Variants in SNX29 observed in about 807,000 individuals in gnomAD.
SNX29 encodes sorting nexin 29, also known as sorting nexin-29.
A neutral mutation model predicts 102.1 loss-of-function variants in SNX29; 78 were observed. The ratio of observed to expected loss-of-function variants is 0.76; its 90% confidence interval spans 0.64 to 0.92. The LOEUF (loss-of-function observed/expected upper bound fraction) is 0.92, where lower values mean the gene tolerates loss of function less well. SNX29 is among the 40% of genes least tolerant of loss of function. The pLI is 0.00. For synonymous variants in SNX29, 580 were observed against 414.5 expected (o/e 1.40, Z -4.85); for missense variants, 1,280 against 1,061.7 (o/e 1.21, Z -2.86).
Position 12,572,926 on chromosome 16 carries a change from C to T in SNX29, c.*4297C>T, listed in dbSNP as rs1239384051. 10 of 937,088 alleles carry T rather than the reference C, an allele frequency of 1.1e-5. No homozygotes were observed. Among genetic ancestry groups the T allele is most frequent in the African/African-American group, 1.7e-5 (1 of 58,132 alleles). The allele number at this position is 937,088 out of a possible 1,614,324, so 58.0% of individuals were successfully genotyped here. ...GAATCACGGCAGACTTGGAGTGTTT[C>T]TTCAAGGCAGGCATCTGCTTATGAG... On this transcript the variant is annotated 3_prime_UTR_variant, in exon 21 of 21. Transcript: ENST00000566228.
At chr16:12,388,003 A>G (rs2083394177) in intron 16 of SNX29, among the ~76,000 whole-genome samples, 1 of 152,192 alleles carries the variant, frequency 6.6e-6, no homozygotes, top group Non-Finnish European at 1.5e-5. Flanking sequence ...TGTGCTTATA[A>G]TGTTAAAAAT....
In SNX29 at chr16:12,560,836, G is replaced by A. The variant is rs149007160; in HGVS notation, c.2319-7670G>A. ...TTACAGCACCCATTTCACATGGCCG[G>A]CTTAAGGATGTTATGAGAATTGGTG... On this transcript the variant is annotated intron_variant, in intron 20 of 20. Transcript: ENST00000566228. The A allele has an allele frequency of 8.6e-4, 156 of 181,346 alleles. 1 individual carries two copies. Among genetic ancestry groups the A allele is most frequent in the Middle Eastern group, 2.1e-3 (1 of 486 alleles). 11.2% of individuals were successfully genotyped at this position (181,346 alleles called of 1,614,324 possible). A position where few individuals can be genotyped will look rare whatever the true frequency, so the allele number is the denominator to read the frequency against.
chr16:11,983,557 C>A, intron 1 of SNX29: 1 of 700,576 alleles, frequency 1.4e-6, no homozygotes, highest in Non-Finnish European at 1.8e-6. Context: ...TTTTTTCCCC[C>A]TTGTGAAGGC....
At chr16:12,529,406 T>C (rs968131480) in intron 20 of SNX29, among the ~76,000 whole-genome samples, 5 of 152,266 alleles carry the variant, frequency 3.3e-5, no homozygotes, top group Middle Eastern at 3.4e-3. Context: ...TGAGGTACCG[T>C]TCGTGGAGGG....
intron 14 of SNX29, among the ~76,000 whole-genome samples, chr16:12,255,980 T>A (rs2078561197): frequency 6.6e-6 from 1 of 152,228 alleles, no homozygotes; most frequent in Non-Finnish European, 1.5e-5. Flanking sequence ...GCTGTACTAA[T>A]TTACGTTCCT....
intron 15 of SNX29, among the ~76,000 whole-genome samples, chr16:12,310,482 G>A (rs1340846767): frequency 1.3e-5 from 2 of 151,544 alleles, no homozygotes; most frequent in South Asian, 2.1e-4. Flanking sequence ...ACGCGTAACA[G>A]CATGGATGAA....
At chr16:12,452,580 G>A (rs950851581) in intron 18 of SNX29, among the ~76,000 whole-genome samples, 1 of 151,988 alleles carries the variant, frequency 6.6e-6, no homozygotes, top group South Asian at 2.1e-4. Flanking sequence ...TGGATGGGGA[G>A]GGCATCTGAG....
intron 13 of SNX29, among the ~76,000 whole-genome samples, chr16:12,173,765 A>G (rs2076201346): frequency 6.6e-6 from 1 of 152,102 alleles, no homozygotes; most frequent in Non-Finnish European, 1.5e-5. Context: ...TGACTTTTGG[A>G]TGGGTGCTGC....
chr16:12,446,303 G>A (rs1440571977), intron 18 of SNX29, among the ~76,000 whole-genome samples: 3 of 152,110 alleles, frequency 2.0e-5, no homozygotes, highest in Admixed American at 6.5e-5. Flanking sequence ...TGATCCACCC[G>A]CCTTGGCCTC....
chr16:12,558,079 C>A (rs1335843878), intron 20 of SNX29, among the ~76,000 whole-genome samples: 1 of 152,200 alleles, frequency 6.6e-6, no homozygotes, highest in East Asian at 1.9e-4. Context: ...CTCTGAACAT[C>A]CCATGCAAAG....
At chr16:12,001,527 T>A (rs909788111) in intron 2 of SNX29, among the ~76,000 whole-genome samples, 1 of 152,144 alleles carries the variant, frequency 6.6e-6, no homozygotes, top group African/African-American at 2.4e-5. Context: ...AATTTACATA[T>A]AATAAAATAT....
chr16:12,066,305 A>G (rs2051034777), intron 9 of SNX29, among the ~76,000 whole-genome samples: 1 of 152,116 alleles, frequency 6.6e-6, no homozygotes, highest in African/African-American at 2.4e-5. Flanking sequence ...AGTGGACACG[A>G]CTTGTGAGCC....
chr16:12,109,563 T>C (rs990688399), intron 11 of SNX29, among the ~76,000 whole-genome samples: 1 of 152,094 alleles, frequency 6.6e-6, no homozygotes, highest in Non-Finnish European at 1.5e-5. Flanking sequence ...GTGGCCTCAC[T>C]ACAGCACTAG....
chr16:12,413,325 A>C (rs894681890), intron 18 of SNX29, among the ~76,000 whole-genome samples: 1 of 152,124 alleles, frequency 6.6e-6, no homozygotes, highest in Non-Finnish European at 1.5e-5. Context: ...ATACGTTAGC[A>C]GTAATAACTG....
intron 19 of SNX29, among the ~76,000 whole-genome samples, chr16:12,510,144 C>G (rs1439643097): frequency 6.6e-6 from 1 of 152,148 alleles, no homozygotes; most frequent in African/African-American, 2.4e-5. Flanking sequence ...TTGATGTAGC[C>G]CATACCGCCC....
intron 16 of SNX29, among the ~76,000 whole-genome samples, chr16:12,383,479 CA>C (rs1483407698): frequency 6.6e-6 from 1 of 151,954 alleles, no homozygotes; most frequent in African/African-American, 2.4e-5. Context: ...CTCTCTTGCC[CA>C]GGCTGGAGTG....
chr16:12,447,194 A>C (rs75567606), intron 18 of SNX29, among the ~76,000 whole-genome samples: 1 of 140,422 alleles, frequency 7.1e-6, no homozygotes, highest in South Asian at 2.4e-4. Flanking sequence ...AAAAAAAAAA[A>C]AAAGTAAAAT....
At chr16:12,369,032 T>C (rs545807157) in intron 16 of SNX29, among the ~76,000 whole-genome samples, 2 of 152,166 alleles carry the variant, frequency 1.3e-5, no homozygotes, top group South Asian at 2.1e-4. Context: ...ATTCTTGGTC[T>C]CTTATAGAAA....
intron 18 of SNX29, among the ~76,000 whole-genome samples, chr16:12,433,670 G>T (rs1046928357): frequency 6.7e-6 from 1 of 149,930 alleles, no homozygotes; most frequent in African/African-American, 2.4e-5. Flanking sequence ...GCTGGGCGTG[G>T]TGGGCGTGGT....
Sources: gnomAD v4.1 joint callset for allele counts (sites outside exome capture counted in the v4.1 genomes callset) on GRCh38, gnomAD v4.1.1 for gene constraint, MANE v1.5 for transcripts, NCBI Gene and HGNC (gene_info 2026-07-23, HGNC 2026-07-21) for gene names.